PLEKHG3: variants seen among roughly 807,000 people sequenced by gnomAD.
The protein encoded by PLEKHG3 is pleckstrin homology domain-containing family G member 3.
A neutral mutation model predicts 94.9 loss-of-function variants in PLEKHG3; 62 were observed. The observed-to-expected ratio is 0.65, with a 90% CI of 0.53 to 0.81. The LOEUF is 0.81. PLEKHG3 is among the 30% of genes least tolerant of loss of function. The probability of loss-of-function intolerance (pLI) is 0.00; values close to 1 mark genes in which losing one functional copy is unlikely to be tolerated. For synonymous variants in PLEKHG3, 614 were observed against 654.0 expected (o/e 0.94, Z 0.93); for missense variants, 1,461 against 1,619.3 (o/e 0.90, Z 1.68).
rs1009662748 is a variant in PLEKHG3, at chr14:64,732,325, G to A, written c.1213-102G>A. On this transcript the variant is annotated intron_variant, in intron 10 of 16. Coordinates refer to ENST00000247226, the MANE Select transcript of PLEKHG3 (RefSeq NM_001308147.2). The surrounding 1 kb of genome is among the most constrained non-coding windows in gnomAD (Gnocchi z 4.9). ...TACAGCAGATGCCCCGGGCCTTGGT[G>A]CAGCACTGTGGGGTGTCCTCGTACA... The A allele has an allele frequency of 2.3e-6, 3 of 1,276,630 alleles. No homozygotes were observed. Among genetic ancestry groups the A allele is most frequent in the African/African-American group, 2.9e-5 (2 of 68,434 alleles). 79.1% of individuals were successfully genotyped at this position (1,276,630 alleles called of 1,614,324 possible).
intron 1 of PLEKHG3, among the ~76,000 whole-genome samples, chr14:64,705,507 G>A (rs2080956962): frequency 6.6e-6 from 1 of 152,156 alleles, no homozygotes; most frequent in Admixed American, 6.5e-5. Flanking sequence ...GAGGTCACTC[G>A]CTAATCTGTT....
chr14:64,743,774 C>T lies in PLEKHG3; in HGVS notation c.*71C>T, dbSNP rs542185000. The T allele has an allele frequency of 1.4e-6, 2 of 1,468,222 alleles. No individual in the cohort carries two copies. The highest frequency in any genetic ancestry group is 1.4e-5 in the South Asian group (1 of 71,892). The allele number at this position is 1,468,222 out of a possible 1,614,324, so 90.9% of individuals were successfully genotyped here. ...GAACCTGGGCATCCTTCCCCTCAAGCCTGGGCTCATGGAGCCCCTGCCCAG... is the reference window on the plus strand; with the variant it reads ...GAACCTGGGCATCCTTCCCCTCAAGTCTGGGCTCATGGAGCCCCTGCCCAG... On this transcript the variant is annotated 3_prime_UTR_variant, in exon 17 of 17. Transcript: ENST00000247226. The surrounding 1 kb of genome is among the most constrained non-coding windows in gnomAD (Gnocchi z 7.2).
rs1423340624 is a variant in PLEKHG3 at position 64,732,104 on chromosome 14, G to T, written c.1135G>T (p.Val379Leu). 3.1e-6 allele frequency: 5 copies of T among 1,612,560 alleles called. No homozygotes were observed. Among genetic ancestry groups the T allele is most frequent in the Non-Finnish European group, 4.2e-6 (5 of 1,178,556 alleles). The change falls in exon 10 of 17, where the codon GTG becomes TTG. Residue 379 changes from valine to leucine, a missense_variant. Coordinates refer to ENST00000247226, the MANE Select transcript of PLEKHG3 (RefSeq NM_001308147.2). The surrounding 1 kb of genome is among the most constrained non-coding windows in gnomAD (Gnocchi z 4.9). ...CCTTGGGTCCTCCCAGGCCAAGACA[G>T]TGGAGGAGAAACGGAACTGGACTCA... Reference protein sequence around the residue: ...KQQYSIQAKTVEEKRNWTHHI... With the variant: ...KQQYSIQAKTLEEKRNWTHHI...
chr14:64,749,123 G>T lies in PLEKHG3; in HGVS notation c.*5420G>T. ...GAGCCAGCGCGGGCGAGGGCATGGA[G>T]GGGGCGTCGGCCCAGGACACGCGGG... On this transcript the variant is annotated 3_prime_UTR_variant, in exon 17 of 17. Coordinates refer to ENST00000247226, the MANE Select transcript of PLEKHG3 (RefSeq NM_001308147.2). The surrounding 1 kb of genome is among the most constrained non-coding windows in gnomAD (Gnocchi z 4.7). 1.6e-6 allele frequency: 1 copy of T among 625,296 alleles called. No individual in the cohort carries two copies. The highest frequency in any genetic ancestry group is 2.6e-6 in the Non-Finnish European group (1 of 384,984). 38.7% of individuals were successfully genotyped at this position (625,296 alleles called of 1,614,324 possible). A position where few individuals can be genotyped will look rare whatever the true frequency, so the allele number is the denominator to read the frequency against.
rs1159201922 is a variant in PLEKHG3 at position 64,732,510 on chromosome 14, A to G, written c.1246+50A>G. ...TTTGTCCCTAATCGTGCACATTGCT[A>G]GGTCAGGCTGCATCCTGGGGAAGCT... On this transcript the variant is annotated intron_variant, in intron 11 of 16. Coordinates refer to ENST00000247226, the MANE Select transcript of PLEKHG3 (RefSeq NM_001308147.2). This position sits in a 1 kb window ranked among gnomAD's most constrained non-coding sequence, Gnocchi z 4.9. 1 of 1,515,462 alleles carries G rather than the reference A, an allele frequency of 6.6e-7. No homozygotes were observed. Among genetic ancestry groups the G allele is most frequent in the East Asian group, 2.3e-5 (1 of 44,398 alleles). 93.9% of individuals were successfully genotyped at this position (1,515,462 alleles called of 1,614,324 possible). A position where few individuals can be genotyped will look rare whatever the true frequency, so the allele number is the denominator to read the frequency against.
rs1020760529 is a variant in PLEKHG3, at chr14:64,739,344, G to A, written c.1518+489G>A. 7.2e-5 allele frequency among the ~76,000 whole-genome samples: 11 copies of A among 152,198 alleles called. No homozygotes were observed. Among genetic ancestry groups the A allele is most frequent in the African/African-American group, 2.2e-4 (9 of 41,442 alleles). Reference sequence around the variant, plus strand: ...AAAAGGGCACTGAGTGGTTGATGGCGTGCCTAACACTGAGCAGCTTCTGAG... The same window carrying A: ...AAAAGGGCACTGAGTGGTTGATGGCATGCCTAACACTGAGCAGCTTCTGAG... On this transcript the variant is annotated intron_variant, in intron 15 of 16. Transcript: ENST00000247226. The surrounding 1 kb of genome is among the most constrained non-coding windows in gnomAD (Gnocchi z 4.1).
rs61468622 is a variant in PLEKHG3, at chr14:64,716,435, T to TACACACACACAC, written c.-39-11138_-39-11127dup. On this transcript the variant is annotated intron_variant, in intron 1 of 16. Coordinates refer to ENST00000247226, the MANE Select transcript of PLEKHG3 (RefSeq NM_001308147.2). This position sits in a 1 kb window ranked among gnomAD's most constrained non-coding sequence, Gnocchi z 5.0. ...GGTTAGAGAAGGTCATGTAGGGCCCTACACACACACACACACACACACACA... is the reference window on the plus strand; with the variant it reads ...GGTTAGAGAAGGTCATGTAGGGCCCTACACACACACACACACACACACACACACACACACACA... Among the ~76,000 whole-genome samples the TACACACACACAC allele has an allele frequency of 1.4e-4, 15 of 105,328 alleles. No individual in the cohort carries two copies. The highest frequency in any genetic ancestry group is 1.1e-3 in the East Asian group (4 of 3,580). 69.1% of individuals were successfully genotyped at this position (105,328 alleles called of 152,430 possible).
intron 1 of PLEKHG3, among the ~76,000 whole-genome samples, chr14:64,705,067 G>T (rs546358419): frequency 1.3e-5 from 2 of 152,352 alleles, no homozygotes; most frequent in African/African-American, 4.8e-5. Flanking sequence ...GGAGCTGTGG[G>T]CCTGGCGGGT....
At chr14:64,737,403 G>T in intron 14 of PLEKHG3, 28 bp downstream of exon 14, 1 of 1,548,292 alleles carries the variant, frequency 6.5e-7, no homozygotes, top group Non-Finnish European at 8.8e-7. Context: ...GAGGGGACTG[G>T]CTGACAGAGG....
In PLEKHG3 at chr14:64,731,827, A is replaced by AT; in HGVS notation, c.1125+21_1125+22insT. On this transcript the variant is annotated intron_variant, in intron 9 of 16. Transcript: ENST00000247226. The surrounding 1 kb of genome is among the most constrained non-coding windows in gnomAD (Gnocchi z 6.1). Reference sequence around the variant, plus strand: ...TCCAGGTGAGGGGAAGGTGGGGCTCAGGGGCTAGGGAACAAGATGCCCAGG... The same window carrying AT: ...TCCAGGTGAGGGGAAGGTGGGGCTCATGGGGCTAGGGAACAAGATGCCCAGG... 6.4e-7 allele frequency: 1 copy of AT among 1,550,816 alleles called. No individual in the cohort carries two copies. Among genetic ancestry groups the AT allele is most frequent in the Non-Finnish European group, 8.9e-7 (1 of 1,123,184 alleles).
At position 64,743,408 on chromosome 14, in the gene PLEKHG3, G is replaced by T; in HGVS notation, c.3365G>T (p.Ser1122Ile). The stretch of plus-strand genomic sequence containing the variant: ...CAATCCCCTGGGCCTCTGCCCCAGA[G>T]CAAGCCGGATGGAGGCGAGACCCTG... ...AAQSPGPLPQ[S>I]KPDGGETLYV... The change falls in exon 17 of 17, where the codon AGC (serine) becomes ATC (isoleucine). Residue 1122 changes from serine (S) to isoleucine (I), a missense_variant. Coordinates refer to ENST00000247226, the MANE Select transcript of PLEKHG3 (RefSeq NM_001308147.2). The surrounding 1 kb of genome is among the most constrained non-coding windows in gnomAD (Gnocchi z 7.2). The T allele has an allele frequency of 6.2e-7, 1 of 1,610,808 alleles. No individual in the cohort carries two copies.
intron 12 of PLEKHG3, among the ~76,000 whole-genome samples, chr14:64,735,923 C>T (rs1466139319): frequency 6.6e-6 from 1 of 152,236 alleles, no homozygotes; most frequent in Non-Finnish European, 1.5e-5. Context: ...ACATTTTCTA[C>T]TTTTCACTTT....
rs2081672990 is a variant in PLEKHG3, at chr14:64,740,948, G to T, written c.1519-88G>T. On this transcript the variant is annotated intron_variant, in intron 15 of 16. Transcript: ENST00000247226. Reference sequence around the variant, plus strand: ...CTAAACTACAGGTCCCTGTCATTGGGCCTTGAGCAGGCCATGCTGTCCCCT... The same window carrying T: ...CTAAACTACAGGTCCCTGTCATTGGTCCTTGAGCAGGCCATGCTGTCCCCT... 6.3e-6 allele frequency: 7 copies of T among 1,104,980 alleles called. No homozygotes were observed. In the East Asian group the frequency reaches 1.7e-4, roughly 27 times the overall value. 68.4% of individuals were successfully genotyped at this position (1,104,980 alleles called of 1,614,324 possible).
At position 64,726,689 on chromosome 14, in the gene PLEKHG3, G is replaced by A. The variant is rs2081359855; in HGVS notation, c.-39-904G>A. 6.6e-6 allele frequency among the ~76,000 whole-genome samples: 1 copy of A among 152,178 alleles called. No homozygotes were observed. The highest frequency in any genetic ancestry group is 2.4e-5 in the African/African-American group (1 of 41,452). On this transcript the variant is annotated intron_variant, in intron 1 of 16. Coordinates refer to ENST00000247226, the MANE Select transcript of PLEKHG3 (RefSeq NM_001308147.2). The surrounding 1 kb of genome is among the most constrained non-coding windows in gnomAD (Gnocchi z 5.1). ...GCTGCCCCCGCCCAGCTGTGCCAAG[G>A]GGAGCTTACAGAGACTCACTGATGG...
intron 1 of PLEKHG3, among the ~76,000 whole-genome samples, chr14:64,709,729 CTGTGTGTGTG>C (rs3063746): frequency 9.7e-5 from 14 of 144,110 alleles, no homozygotes; most frequent in South Asian, 4.6e-4. Context: ...GGCTGTGAGA[CTGTGTGTGTG>C]TGTGTGTGTG....
chr14:64,710,442 G>A (rs1462631835), intron 1 of PLEKHG3, among the ~76,000 whole-genome samples: 3 of 152,172 alleles, frequency 2.0e-5, no homozygotes, highest in East Asian at 3.9e-4. Context: ...GGCTGATGCC[G>A]GTGGATCACC....
At position 64,746,887 on chromosome 14, in the gene PLEKHG3, GGA is replaced by G; in HGVS notation, c.*3189_*3190del. ...GTCAAAAGACTGTAGAGTAGAATAA[GGA>G]GAGAAAAAAAAAAAAAGACCTTGCT... On this transcript the variant is annotated 3_prime_UTR_variant, in exon 17 of 17. Transcript: ENST00000247226. The surrounding 1 kb of genome is among the most constrained non-coding windows in gnomAD (Gnocchi z 4.9). The G allele has an allele frequency of 6.6e-6, 1 of 151,840 alleles. No individual in the cohort carries two copies. The highest frequency in any genetic ancestry group is 2.1e-4 in the South Asian group (1 of 4,784). 9.4% of individuals were successfully genotyped at this position (151,840 alleles called of 1,614,324 possible). A position where few individuals can be genotyped will look rare whatever the true frequency, so the allele number is the denominator to read the frequency against.
Position 64,732,774 on chromosome 14 carries a change from A to C in PLEKHG3, c.1247-29A>C. ...TAGGCCAAGGCCAATTGGGAATCAA[A>C]AGCTTGATCGTCTCTCTCCTGGGTG... On this transcript the variant is annotated intron_variant, in intron 11 of 16. Transcript: ENST00000247226. This position sits in a 1 kb window ranked among gnomAD's most constrained non-coding sequence, Gnocchi z 4.9. 6.4e-7 allele frequency: 1 copy of C among 1,558,086 alleles called. No individual in the cohort carries two copies. The highest frequency in any genetic ancestry group is 1.3e-5 in the African/African-American group (1 of 74,204).
Position 64,749,805 on chromosome 14 carries a change from C to G in PLEKHG3, c.*6102C>G. ...CTGAGCCGAACATCCAGACCCCTCTCAGGCAGCCCAGCACTTTCTGAGAGG... is the reference window on the plus strand; with the variant it reads ...CTGAGCCGAACATCCAGACCCCTCTGAGGCAGCCCAGCACTTTCTGAGAGG... On this transcript the variant is annotated 3_prime_UTR_variant, in exon 17 of 17. Coordinates refer to ENST00000247226, the MANE Select transcript of PLEKHG3 (RefSeq NM_001308147.2). The surrounding 1 kb of genome is among the most constrained non-coding windows in gnomAD (Gnocchi z 4.7). 1 of 1,506,570 alleles carries G rather than the reference C, an allele frequency of 6.6e-7. No homozygotes were observed. The highest frequency in any genetic ancestry group is 9.1e-7 in the Non-Finnish European group (1 of 1,097,894). 93.3% of individuals were successfully genotyped at this position (1,506,570 alleles called of 1,614,324 possible).
Sources: allele counts gnomAD v4.1 joint callset (sites outside exome capture counted in the v4.1 genomes callset), GRCh38; gene constraint gnomAD v4.1.1; non-coding constraint Gnocchi (gnomAD v3.1); transcripts MANE v1.5; gene names NCBI Gene and HGNC (gene_info 2026-07-23, HGNC 2026-07-21).